Variants in BIRC6 observed in about 807,000 individuals in gnomAD.
The protein encoded by BIRC6 is dual E2 ubiquitin-conjugating enzyme/E3 ubiquitin-protein ligase BIRC6.
BIRC6 carries 98 observed loss-of-function variants against 503.3 expected under a neutral mutation model. The ratio of observed to expected loss-of-function variants is 0.19; its 90% CI spans 0.17 to 0.23. The LOEUF is 0.23. Ranked by LOEUF, BIRC6 falls within the 10% of genes least tolerant of loss-of-function variation. The pLI, the probability that BIRC6 is intolerant of heterozygous loss-of-function variation, is 1.00. For missense variants in BIRC6, 5,360 were observed against 5,806.0 expected, an observed-to-expected ratio of 0.92 and a Z score of 2.50; for synonymous variants, 2,240 against 2,078.7, an observed-to-expected ratio of 1.08 and a Z score of -2.11.
At chr2:32,437,825 T>A (rs1004879504) in intron 15 of BIRC6, among the ~76,000 whole-genome samples, 1 of 152,214 alleles carries the variant, frequency 6.6e-6, no homozygotes, top group Non-Finnish European at 1.5e-5. Flanking sequence ...TTTCGAGATG[T>A]TATGTGTTAG....
At chr2:32,530,675 A>G (rs1038457735) in intron 60 of BIRC6, among the ~76,000 whole-genome samples, 1 of 152,150 alleles carries the variant, frequency 6.6e-6, no homozygotes, top group African/African-American at 2.4e-5. Context: ...TGAGTATGAT[A>G]TGAACTTACT....
rs576764794 is a variant in BIRC6, at chr2:32,411,520, C to T, written c.1478-3249C>T. On this transcript the variant is annotated intron_variant, in intron 9 of 73. Coordinates refer to ENST00000421745, the MANE Select transcript of BIRC6 (RefSeq NM_016252.4). ...TGAGACGGGATCTCACTCTGTTGTC[C>T]AGGCTGGAGTGCAGTGGCGTGATCT... Among the ~76,000 whole-genome samples, 3 of 150,210 alleles carry T rather than the reference C, an allele frequency of 2.0e-5. No individual in the cohort carries two copies. The South Asian group carries it at 6.3e-4, about 32-fold the overall frequency.
chr2:32,398,637 A>C (rs1558620327), intron 6 of BIRC6, among the ~76,000 whole-genome samples: 1 of 152,240 alleles, frequency 6.6e-6, no homozygotes. Context: ...TATCACTTAA[A>C]TTTATAATGG....
chr2:32,437,912 G>A (rs1430567310), intron 15 of BIRC6, among the ~76,000 whole-genome samples: 1 of 152,142 alleles, frequency 6.6e-6, no homozygotes, highest in African/African-American at 2.4e-5. Context: ...CAATGAGAGT[G>A]TGCATCTTAA....
At chr2:32,437,411 G>A (rs1300124104) in intron 15 of BIRC6, among the ~76,000 whole-genome samples, 1 of 152,024 alleles carries the variant, frequency 6.6e-6, no homozygotes, top group African/African-American at 2.4e-5. Flanking sequence ...TTTGGGGTGG[G>A]GTGGGATGTA....
intron 46 of BIRC6, 128 bp downstream of exon 46, chr2:32,500,237 T>C: frequency 1.3e-6 from 1 of 787,772 alleles, no homozygotes. Context: ...TCATGACTGA[T>C]TTTTATTGGT....
intron 65 of BIRC6, among the ~76,000 whole-genome samples, chr2:32,570,623 C>A (rs115286646): frequency 0.017 from 2,512 of 151,664 alleles, 50 homozygotes; most frequent in African/African-American, 0.058. Flanking sequence ...CTCAGCACCC[C>A]CAAGTAGGTG....
At chr2:32,547,574 T>C (rs938703103) in intron 63 of BIRC6, among the ~76,000 whole-genome samples, 2 of 152,254 alleles carry the variant, frequency 1.3e-5, no homozygotes, top group Non-Finnish European at 2.9e-5. Context: ...ATCCTGTTTG[T>C]TGATCCATTC....
At position 32,508,087 on chromosome 2, in the gene BIRC6, G is replaced by T. The variant is rs2053986168; in HGVS notation, c.9808G>T (p.Val3270Leu). ...CCTCACCTACATAAAAATTCAGCTT[G>T]TAAAAGCCGAAGTAGCTTCTGCTGT... ...SGLTYIKIQLVKAEVASAVCL... is the reference protein window; with the variant it reads ...SGLTYIKIQLLKAEVASAVCL... The change falls in exon 51 of 74, where the codon GTA becomes TTA. Residue 3270 changes from valine (V) to leucine (L), a missense_variant. By Grantham distance (32) the Val-to-Leu change is conservative. Coordinates refer to ENST00000421745, the MANE Select transcript of BIRC6 (RefSeq NM_016252.4). 1.5e-5 allele frequency: 25 copies of T among 1,613,724 alleles called. No individual in the cohort carries two copies. Among genetic ancestry groups the T allele is most frequent in the Non-Finnish European group, 2.1e-5 (25 of 1,179,880 alleles).
intron 10 of BIRC6, among the ~76,000 whole-genome samples, chr2:32,416,381 G>A (rs550268954): frequency 9.9e-5 from 15 of 152,026 alleles, no homozygotes; most frequent in African/African-American, 2.9e-4. Context: ...AAGTCACTTA[G>A]CAAGTATCTT....
Position 32,485,675 on chromosome 2 carries a change from C to G in BIRC6, c.7729C>G (p.Gln2577Glu), listed in dbSNP as rs936700384. The G allele has an allele frequency of 6.2e-7, 1 of 1,613,544 alleles. No homozygotes were observed. Among genetic ancestry groups the G allele is most frequent in the Non-Finnish European group, 8.5e-7 (1 of 1,179,570 alleles). ...LDARLEVGLEQQAELMLKMMS... is the reference protein window; with the variant it reads ...LDARLEVGLEEQAELMLKMMS... Reference sequence around the variant, plus strand: ...TGCTCGCCTAGAAGTTGGACTTGAACAGCAAGCAGAACTGATGTTGAAAAT... The same window carrying G: ...TGCTCGCCTAGAAGTTGGACTTGAAGAGCAAGCAGAACTGATGTTGAAAAT... The change falls in exon 40 of 74, where the codon CAG becomes GAG. Residue 2577 changes from glutamine (Q) to glutamate (E), a missense_variant. Transcript: ENST00000421745.
chr2:32,401,589 A>G lies in BIRC6; in HGVS notation c.1384A>G (p.Ser462Gly), dbSNP rs749393381. The G allele has an allele frequency of 1.4e-5, 22 of 1,613,824 alleles. No homozygotes were observed. Among genetic ancestry groups the G allele is most frequent in the Non-Finnish European group, 1.4e-5 (17 of 1,179,884 alleles). The change falls in exon 8 of 74, where the codon AGT becomes GGT. Residue 462 changes from serine to glycine, a missense_variant. Coordinates refer to ENST00000421745, the MANE Select transcript of BIRC6 (RefSeq NM_016252.4). Reference protein sequence around the residue: ...PTLAWLEDSSSCSDIPKLEGD... With the variant: ...PTLAWLEDSSGCSDIPKLEGD... ...TTTGGCGTGGCTGGAGGACTCCTCT[A>G]GTTGCTCAGATATACCAAAATTGGA...
At chr2:32,451,589 G>T (rs2046736177) in intron 22 of BIRC6, among the ~76,000 whole-genome samples, 1 of 152,102 alleles carries the variant, frequency 6.6e-6, no homozygotes, top group South Asian at 2.1e-4. Flanking sequence ...CTTTTATTCT[G>T]AGATGAATGA....
intron 64 of BIRC6, 90 bp downstream of exon 64, chr2:32,548,104 C>T: frequency 1.6e-6 from 2 of 1,218,886 alleles, no homozygotes; most frequent in Non-Finnish European, 2.2e-6. Context: ...CAACTTTCCT[C>T]AGCTATGTTT....
intron 71 of BIRC6, among the ~76,000 whole-genome samples, chr2:32,603,568 C>T (rs2062209809): frequency 6.6e-6 from 1 of 151,906 alleles, no homozygotes; most frequent in Non-Finnish European, 1.5e-5. Context: ...ATACAAAATA[C>T]AATTAGCCGG....
chr2:32,385,998 A>C (rs2038400050), intron 3 of BIRC6, among the ~76,000 whole-genome samples: 1 of 152,066 alleles, frequency 6.6e-6, no homozygotes, highest in African/African-American at 2.4e-5. Context: ...GGGGACTCTT[A>C]TTCTCTGGTT....
In BIRC6 at chr2:32,515,223, C is replaced by T. The variant is rs2054903965; in HGVS notation, c.10802C>T (p.Ala3601Val). The T allele has an allele frequency of 1.9e-6, 3 of 1,613,750 alleles. No homozygotes were observed. Among genetic ancestry groups the T allele is most frequent in the Non-Finnish European group, 1.7e-6 (2 of 1,179,880 alleles). The change falls in exon 55 of 74, where the codon GCA becomes GTA. Residue 3601 changes from alanine (A) to valine (V), a missense_variant. Ala to Val is a moderately conservative substitution (Grantham distance 64). Transcript: ENST00000421745. The part of the protein sequence containing the change: ...SLTDDSKNAQ[A>V]PLALTESHLA... ...ACAGATGACTCTAAAAATGCACAAG[C>T]ACCTCTCGCATTAACTGAATCACAT...
rs778354503 is a variant in BIRC6, at chr2:32,525,547, A to C, written c.11839A>C (p.Ile3947Leu). The change falls in exon 59 of 74, where the codon ATA (isoleucine) becomes CTA (leucine). Residue 3947 changes from isoleucine (I) to leucine (L), a missense_variant. By Grantham distance (5) the Ile-to-Leu change is conservative (BLOSUM62 2). This residue lies in a region of BIRC6 where 878 missense variants were observed against 928.9 expected (regional missense o/e 0.95). Transcript: ENST00000421745. ...GAGGGGGAGGACAATACCTGATAAA[A>C]TAGGAAGTACTTCAGGAGCAGAGGC... ...SRRGRTIPDKIGSTSGAEAAN... is the reference protein window; with the variant it reads ...SRRGRTIPDKLGSTSGAEAAN... The C allele has an allele frequency of 6.2e-7, 1 of 1,613,882 alleles. No homozygotes were observed. The highest frequency in any genetic ancestry group is 8.5e-7 in the Non-Finnish European group (1 of 1,179,880).
intron 40 of BIRC6, 28 bp downstream of exon 40, chr2:32,485,787 T>C (rs997745791): frequency 8.7e-6 from 12 of 1,372,760 alleles, no homozygotes; most frequent in Non-Finnish European, 1.2e-5. Flanking sequence ...TTTTAGAGTA[T>C]TGCAGTGAAT....
Sources: allele counts gnomAD v4.1 joint callset (sites outside exome capture counted in the v4.1 genomes callset), GRCh38; gene constraint gnomAD v4.1.1; regional missense constraint gnomAD v4.1.1; transcripts MANE v1.5; gene names NCBI Gene and HGNC (gene_info 2026-07-23, HGNC 2026-07-21).